ATP8A2: variants seen among roughly 807,000 people sequenced by gnomAD.
ATP8A2 encodes phospholipid-transporting ATPase IB.
In ATP8A2, 100 loss-of-function variants were observed where a neutral mutation model predicts 165.6. The observed-to-expected ratio is 0.60, with a 90% CI of 0.51 to 0.71. The LOEUF (loss-of-function observed/expected upper bound fraction) is 0.71. ATP8A2 is among the 30% of genes least tolerant of loss of function. The probability of loss-of-function intolerance (pLI) is 0.00; values close to 1 mark genes in which losing one functional copy is unlikely to be tolerated. For missense variants in ATP8A2, 1,227 were observed against 1,479.5 expected (o/e 0.83, Z 2.80); for synonymous variants, 543 against 548.8 (o/e 0.99, Z 0.15).
chr13:25,625,747 C>G (rs772043683), intron 24 of ATP8A2, among the ~76,000 whole-genome samples: 48 of 151,844 alleles, frequency 3.2e-4, no homozygotes, highest in Non-Finnish European at 6.2e-4. Context: ...CTCTGAATAA[C>G]TAGAAATTTC....
chr13:25,582,474 C>T (rs776049766), intron 23 of ATP8A2, among the ~76,000 whole-genome samples: 19 of 152,128 alleles, frequency 1.2e-4, no homozygotes, highest in East Asian at 3.8e-4. Flanking sequence ...TAAAGGAGCA[C>T]GTTTTAAGTT....
rs1957115012 is a variant in ATP8A2, at chr13:26,023,468, G to A, written c.*3483G>A. On this transcript the variant is annotated 3_prime_UTR_variant, in exon 37 of 37. Coordinates refer to ENST00000381655, the MANE Select transcript of ATP8A2 (RefSeq NM_016529.6). ...GTGAAAATCAGTAATAACTTGTCAA[G>A]AAGCAGTGAAAAATGCGGGGGGGTG... 1 of 152,114 alleles carries A rather than the reference G, an allele frequency of 6.6e-6. No homozygotes were observed. Among genetic ancestry groups the A allele is most frequent in the South Asian group, 2.1e-4 (1 of 4,834 alleles). 9.4% of individuals were successfully genotyped at this position (152,114 alleles called of 1,614,324 possible).
At chr13:25,860,711 C>G in intron 31 of ATP8A2, 93 bp from the exon 32 acceptor site, 1 of 971,718 alleles carries the variant, frequency 1.0e-6, no homozygotes, top group Non-Finnish European at 1.6e-6. Flanking sequence ...CTTGGGGAAG[C>G]TAGTTCTGGA....
chr13:25,975,011 C>T (rs1003250897), intron 35 of ATP8A2, among the ~76,000 whole-genome samples: 2 of 152,138 alleles, frequency 1.3e-5, no homozygotes, highest in Non-Finnish European at 2.9e-5. Flanking sequence ...CTCACGTGTG[C>T]GACCCTCAGC....
intron 25 of ATP8A2, among the ~76,000 whole-genome samples, chr13:25,718,314 A>C (rs1409930958): frequency 4.6e-5 from 7 of 152,240 alleles, no homozygotes; most frequent in African/African-American, 1.7e-4. Context: ...GCAACATCTT[A>C]ATATCACAGA....
chr13:25,720,950 G>A (rs994565491), intron 25 of ATP8A2, among the ~76,000 whole-genome samples: 10 of 149,918 alleles, frequency 6.7e-5, no homozygotes, highest in African/African-American at 2.5e-4. Context: ...TCTGAGCTGT[G>A]GGAGCTTTAG....
At chr13:25,937,280 A>C (rs975709081) in intron 33 of ATP8A2, among the ~76,000 whole-genome samples, 4 of 150,788 alleles carry the variant, frequency 2.7e-5, no homozygotes, top group Admixed American at 6.7e-5. Context: ...GTGAACCAAA[A>C]TCTCAAGTGC....
chr13:25,459,617 G>C (rs1209109118), intron 1 of ATP8A2, among the ~76,000 whole-genome samples: 1 of 152,216 alleles, frequency 6.6e-6, no homozygotes, highest in African/African-American at 2.4e-5. Flanking sequence ...CTGTAGCTAG[G>C]GCGTGGTCAC....
intron 30 of ATP8A2, among the ~76,000 whole-genome samples, chr13:25,852,906 G>GA (rs58941860): frequency 0.14 from 20,336 of 144,848 alleles, 1,582 homozygotes; most frequent in Non-Finnish European, 0.18. Context: ...CTCAGTCTCA[G>GA]AAAAAAAAAA....
chr13:25,396,125 A>C (rs932824398), intron 1 of ATP8A2, among the ~76,000 whole-genome samples: 5 of 152,280 alleles, frequency 3.3e-5, no homozygotes, highest in Admixed American at 6.5e-5. Flanking sequence ...TACAGGTGTG[A>C]GCCACCACGC....
intron 1 of ATP8A2, among the ~76,000 whole-genome samples, chr13:25,388,538 G>T (rs973827400): frequency 1.3e-5 from 2 of 152,162 alleles, no homozygotes; most frequent in Admixed American, 6.5e-5. Context: ...GGGGCTGCGC[G>T]CACTGGTAAT....
At chr13:25,578,789 A>G (rs1254549297) in intron 20 of ATP8A2, 26 bp from the exon 21 acceptor site, 1 of 1,333,722 alleles carries the variant, frequency 7.5e-7, no homozygotes, top group Admixed American at 1.7e-5. Context: ...AGGCTTTGCC[A>G]GTCACAATGT....
At chr13:25,913,565 G>A (rs1185939905) in intron 33 of ATP8A2, among the ~76,000 whole-genome samples, 2 of 152,058 alleles carry the variant, frequency 1.3e-5, no homozygotes, top group African/African-American at 2.4e-5. Context: ...ACACCAGAGC[G>A]TGGGGTTCAT....
intron 24 of ATP8A2, among the ~76,000 whole-genome samples, chr13:25,596,527 G>A (rs1380277206): frequency 1.3e-5 from 2 of 152,102 alleles, no homozygotes; most frequent in Non-Finnish European, 2.9e-5. Flanking sequence ...TATGAAGACT[G>A]TCTTTTTGTC....
chr13:25,401,501 C>CT (rs75948300), intron 1 of ATP8A2, among the ~76,000 whole-genome samples: 2,280 of 152,158 alleles, frequency 0.015, 60 homozygotes, highest in African/African-American at 0.047. Context: ...CAGCCAAAAG[C>CT]TTTTTTTCTC....
chr13:25,783,538 G>A (rs1175605476), intron 27 of ATP8A2, among the ~76,000 whole-genome samples: 1 of 152,184 alleles, frequency 6.6e-6, no homozygotes, highest in Non-Finnish European at 1.5e-5. Flanking sequence ...AATATGGTGT[G>A]GTGGGGCTGG....
chr13:25,921,461 CAA>C (rs60085641), intron 33 of ATP8A2, among the ~76,000 whole-genome samples: 2 of 133,712 alleles, frequency 1.5e-5, no homozygotes, highest in Non-Finnish European at 3.3e-5. Context: ...GCTAAAAATA[CAA>C]AAAAAAAAAA....
chr13:25,845,026 A>G lies in ATP8A2; in HGVS notation c.2956+5402A>G, dbSNP rs149818573. Among the ~76,000 whole-genome samples the G allele has an allele frequency of 5.1e-4, 78 of 152,356 alleles. 1 individual carries two copies. The highest frequency in any genetic ancestry group is 1.8e-3 in the African/African-American group (73 of 41,588). ...ATGTGGTTTTGGAGAGACTTTTCAA[A>G]GCACTCCTTTGCTGATGGAGTTTGT... is the stretch of plus-strand genomic sequence containing the variant. On this transcript the variant is annotated intron_variant, in intron 30 of 36. Coordinates refer to ENST00000381655, the MANE Select transcript of ATP8A2 (RefSeq NM_016529.6).
intron 25 of ATP8A2, among the ~76,000 whole-genome samples, chr13:25,712,809 G>A (rs2043182332): frequency 6.6e-6 from 1 of 152,098 alleles, no homozygotes; most frequent in South Asian, 2.1e-4. Context: ...AGTCGGGTAG[G>A]GATGATGGGT....
Sources: gnomAD v4.1 joint callset for allele counts (sites outside exome capture counted in the v4.1 genomes callset) on GRCh38, gnomAD v4.1.1 for gene constraint, MANE v1.5 for transcripts, NCBI Gene and HGNC (gene_info 2026-07-23, HGNC 2026-07-21) for gene names.